Variants in LPAR3 observed in about 807,000 individuals in gnomAD.
The protein encoded by LPAR3 is lysophosphatidic acid receptor 3.
Under a neutral mutation model 17.8 loss-of-function variants are expected in LPAR3, and 7 were observed. That is an observed-to-expected ratio of 0.39 (90% CI 0.22 to 0.74). The LOEUF (loss-of-function observed/expected upper bound fraction) is 0.74, where lower values mean the gene tolerates loss of function less well. Ranked by LOEUF, LPAR3 falls within the 30% of genes least tolerant of loss-of-function variation. The pLI is 0.40. For synonymous variants in LPAR3, 179 were observed against 179.9 expected (o/e 0.99, Z 0.04); for missense variants, 391 against 453.4 (o/e 0.86, Z 1.25).
At chr1:84,845,149 G>A (rs1409215) in intron 2 of LPAR3, among the ~76,000 whole-genome samples, 118,113 of 152,148 alleles carry the variant, frequency 0.78, 46,077 homozygotes, top group African/African-American at 0.86. Context: ...GAGGCTAAAA[G>A]TGCTTTTCCT....
intron 1 of LPAR3, among the ~76,000 whole-genome samples, chr1:84,886,383 G>A (rs1000106500): frequency 6.6e-6 from 1 of 152,064 alleles, no homozygotes; most frequent in African/African-American, 2.4e-5. Flanking sequence ...TAAATTAGCC[G>A]GGAATGGTGG....
At chr1:84,829,601 G>A (rs1425673226) in intron 2 of LPAR3, among the ~76,000 whole-genome samples, 1 of 151,420 alleles carries the variant, frequency 6.6e-6, no homozygotes, top group South Asian at 2.1e-4. Flanking sequence ...GGGCCTATAG[G>A]AACTTACAAA....
At chr1:84,842,441 T>C (rs1163295503) in intron 2 of LPAR3, among the ~76,000 whole-genome samples, 2 of 152,254 alleles carry the variant, frequency 1.3e-5, no homozygotes, top group African/African-American at 4.8e-5. Flanking sequence ...GCAAGCTGAA[T>C]TTTAATCATG....
chr1:84,821,254 A>G (rs912305314), intron 2 of LPAR3, among the ~76,000 whole-genome samples: 1 of 152,064 alleles, frequency 6.6e-6, no homozygotes, highest in African/African-American at 2.4e-5. Flanking sequence ...GGGGGTGTTA[A>G]CTAAAGCCCT....
intron 1 of LPAR3, among the ~76,000 whole-genome samples, chr1:84,881,434 G>A (rs1419551088): frequency 6.6e-6 from 1 of 152,228 alleles, no homozygotes; most frequent in Non-Finnish European, 1.5e-5. Context: ...TTAAGGAAAT[G>A]CTTAGTACAC....
At chr1:84,834,248 C>T (rs561667750) in intron 2 of LPAR3, among the ~76,000 whole-genome samples, 7 of 152,200 alleles carry the variant, frequency 4.6e-5, no homozygotes, top group African/African-American at 1.7e-4. Context: ...AGCACAGTGC[C>T]TGTCATAAGG....
At position 84,891,553 on chromosome 1, in the gene LPAR3, G is replaced by C. The variant is rs960816360; in HGVS notation, c.-19+1463C>G. On this transcript the variant is annotated intron_variant, in intron 1 of 2. Transcript: ENST00000370611. The stretch of plus-strand genomic sequence containing the variant: ...CGTATCACTTCTGTCCCAAAAAGAG[G>C]AAAACTCTGTTTACTGGACTCAGGC... Among the ~76,000 whole-genome samples the C allele has an allele frequency of 1.1e-4, 16 of 152,270 alleles. No homozygotes were observed. In the East Asian group the frequency reaches 2.9e-3, roughly 28 times the overall value.
chr1:84,816,231 T>C (rs1232226554), intron 2 of LPAR3, among the ~76,000 whole-genome samples: 1 of 152,200 alleles, frequency 6.6e-6, no homozygotes, highest in African/African-American at 2.4e-5. Flanking sequence ...AACTTGAGAA[T>C]TCATATTAGT....
Position 84,893,178 on chromosome 1 carries a change from G to A in LPAR3, c.-181C>T, listed in dbSNP as rs1419430352. Reference sequence around the variant, plus strand: ...GCGGGCGGAGCGCCTCCTCTCCAGCGACCCCTGCGACGCGTCCAGAGCCAA... The same window carrying A: ...GCGGGCGGAGCGCCTCCTCTCCAGCAACCCCTGCGACGCGTCCAGAGCCAA... On this transcript the variant is annotated 5_prime_UTR_variant, in exon 1 of 3. Transcript: ENST00000370611. 1 of 152,130 alleles carries A rather than the reference G, an allele frequency of 6.6e-6. No homozygotes were observed. Among genetic ancestry groups the A allele is most frequent in the East Asian group, 1.9e-4 (1 of 5,162 alleles). The allele number at this position is 152,130 out of a possible 1,614,324, so 9.4% of individuals were successfully genotyped here. A position where few individuals can be genotyped will look rare whatever the true frequency, so the allele number is the denominator to read the frequency against.
At chr1:84,863,871 C>G (rs993990316) in intron 2 of LPAR3, among the ~76,000 whole-genome samples, 2 of 152,176 alleles carry the variant, frequency 1.3e-5, no homozygotes. Context: ...TCTCCTCCAC[C>G]TCTCATCTTC....
Position 84,889,208 on chromosome 1 carries a change from C to A in LPAR3, c.-19+3808G>T, listed in dbSNP as rs148347720. The stretch of plus-strand genomic sequence containing the variant: ...CTCAATGGTACTAAATCCCCTCCCC[C>A]ACCCTCCAGCTGGCTTGCCAGGACA... On this transcript the variant is annotated intron_variant, in intron 1 of 2. Coordinates refer to ENST00000370611, the MANE Select transcript of LPAR3 (RefSeq NM_012152.3). 8.6e-3 allele frequency among the ~76,000 whole-genome samples: 1,311 copies of A among 152,196 alleles called. 21 individuals are homozygous for A. Among genetic ancestry groups the A allele is most frequent in the African/African-American group, 0.03 (1,239 of 41,518 alleles).
At chr1:84,892,805 G>A (rs918251804) in intron 1 of LPAR3, among the ~76,000 whole-genome samples, 6 of 152,244 alleles carry the variant, frequency 3.9e-5, no homozygotes, top group African/African-American at 1.4e-4. Context: ...GGGGAAAAAG[G>A]TGGGAAAAGA....
chr1:84,818,207 T>A (rs1658979301), intron 2 of LPAR3, among the ~76,000 whole-genome samples: 1 of 152,256 alleles, frequency 6.6e-6, no homozygotes, highest in African/African-American at 2.4e-5. Context: ...CACAAGATCA[T>A]TGCTCAATAA....
At chr1:84,865,296 G>T (rs927248732) in intron 2 of LPAR3, 89 bp downstream of exon 2, 10 of 1,378,958 alleles carry the variant, frequency 7.3e-6, no homozygotes, top group Non-Finnish European at 9.8e-6. Flanking sequence ...CATTCTTACT[G>T]CCTAGTAAGT....
intron 2 of LPAR3, among the ~76,000 whole-genome samples, chr1:84,836,897 C>A (rs1570871107): frequency 6.6e-6 from 1 of 151,908 alleles, no homozygotes. Flanking sequence ...TTACTATTTA[C>A]AATTGGATGT....
At position 84,812,071 on chromosome 1, in the gene LPAR3, GA is replaced by G. The variant is rs1658824003; in HGVS notation, c.*1774del. 6.6e-6 allele frequency: 1 copy of G among 151,948 alleles called. No individual in the cohort carries two copies. The highest frequency in any genetic ancestry group is 1.5e-5 in the Non-Finnish European group (1 of 67,992). 9.4% of individuals were successfully genotyped at this position (151,948 alleles called of 1,614,324 possible). A position where few individuals can be genotyped will look rare whatever the true frequency, so the allele number is the denominator to read the frequency against. On this transcript the variant is annotated 3_prime_UTR_variant, in exon 3 of 3. Transcript: ENST00000370611. Reference sequence around the variant, plus strand: ...ACCAGAAGGATGCCATTAACCTTGGGAAAAATAAGAGATGGGAAATTATTCT... The same window carrying G: ...ACCAGAAGGATGCCATTAACCTTGGGAAAATAAGAGATGGGAAATTATTCT...
intron 1 of LPAR3, among the ~76,000 whole-genome samples, chr1:84,870,671 C>T (rs1570898217): frequency 6.6e-6 from 1 of 152,148 alleles, no homozygotes; most frequent in African/African-American, 2.4e-5. Context: ...ATGGTATCCT[C>T]CCAACAATGA....
chr1:84,863,546 T>TA (rs1659980742), intron 2 of LPAR3, among the ~76,000 whole-genome samples: 1 of 152,188 alleles, frequency 6.6e-6, no homozygotes, highest in Admixed American at 6.5e-5. Context: ...CTGACCTCCT[T>TA]ACACTGGAGG....
In LPAR3 at chr1:84,865,903, G is replaced by T; in HGVS notation, c.218C>A (p.Ala73Asp). The change falls in exon 2 of 3, where the codon GCT becomes GAT. Residue 73 changes from alanine to aspartate, a missense_variant. Transcript: ENST00000370611. ...FPFYYLLANL[A>D]AADFFAGIAY... ...AATTCCAGCGAAGAAATCGGCAGCA[G>T]CTAAATTAGCCAACAGGTAGTAGAA... 1 of 1,614,144 alleles carries T rather than the reference G, an allele frequency of 6.2e-7. No homozygotes were observed. The highest frequency in any genetic ancestry group is 8.5e-7 in the Non-Finnish European group (1 of 1,180,028).
Sources: allele counts gnomAD v4.1 joint callset (sites outside exome capture counted in the v4.1 genomes callset), GRCh38; gene constraint gnomAD v4.1.1; transcripts MANE v1.5; gene names NCBI Gene and HGNC (gene_info 2026-07-23, HGNC 2026-07-21).